The following SYNE1 variants were observed in gnomAD, a reference collection of about 807,000 sequenced individuals.
SYNE1 encodes spectrin repeat containing nuclear envelope protein 1.
A neutral mutation model predicts 1,111.0 loss-of-function variants in SYNE1; 616 were observed. The observed-to-expected ratio is 0.55, with a 90% CI of 0.52 to 0.59. The LOEUF (loss-of-function observed/expected upper bound fraction) is 0.59, where lower values mean the gene tolerates loss of function less well. SYNE1 is among the 20% of genes least tolerant of loss of function. The probability of loss-of-function intolerance (pLI) is 0.00; values close to 1 mark genes in which losing one functional copy is unlikely to be tolerated. For missense variants in SYNE1, 10,006 were observed against 10,417.0 expected (o/e 0.96, Z 1.72); for synonymous variants, 3,855 against 3,825.8 (o/e 1.01, Z -0.28).
intron 6 of SYNE1, among the ~76,000 whole-genome samples, chr6:152,519,826 A>C (rs918314526): frequency 6.6e-6 from 1 of 152,180 alleles, no homozygotes; most frequent in African/African-American, 2.4e-5. Context: ...CACATTACCA[A>C]GTATTCAAAG....
At chr6:152,545,948 T>G (rs548837179) in intron 3 of SYNE1, 1 of 152,224 alleles carries the variant, frequency 6.6e-6, no homozygotes, top group East Asian at 1.9e-4. Flanking sequence ...TACACCTCAA[T>G]AAAATATTGG....
At chr6:152,554,152 C>T (rs909905068) in intron 3 of SYNE1, among the ~76,000 whole-genome samples, 2 of 152,034 alleles carry the variant, frequency 1.3e-5, no homozygotes, top group Non-Finnish European at 2.9e-5. Context: ...CACTGTGCCC[C>T]AGTCATCTGC....
chr6:152,385,913 A>AT, intron 54 of SYNE1, 75 bp from the exon 55 acceptor site: 1 of 1,422,016 alleles, frequency 7.0e-7, no homozygotes, highest in Non-Finnish European at 9.9e-7. Context: ...AACAGGCCTG[A>AT]TAGAGGTCTC....
rs747701710 is a variant in SYNE1, at chr6:152,154,929, A to G, written c.24092T>C (p.Ile8031Thr). The G allele has an allele frequency of 1.2e-6, 2 of 1,614,074 alleles. No individual in the cohort carries two copies. The highest frequency in any genetic ancestry group is 4.5e-5 in the East Asian group (2 of 44,894). The change falls in exon 133 of 146, where the codon ATC becomes ACC. Residue 8031 changes from isoleucine to threonine, a missense_variant. By Grantham distance (89) the Ile-to-Thr change is moderately conservative. Coordinates refer to ENST00000367255, the MANE Select transcript of SYNE1 (RefSeq NM_182961.4). ...TAGTTCTTCCTTGGCAACTGTATAG[A>G]TCACCCCAGAAGAGCTGGGAAAAGC... ...TAAFPSSSGV[I>T]YTVAKEELKK...
At chr6:152,443,982 A>G (rs957841827) in intron 30 of SYNE1, among the ~76,000 whole-genome samples, 12 of 152,216 alleles carry the variant, frequency 7.9e-5, no homozygotes, top group African/African-American at 2.9e-4. Context: ...TCATTTCTCA[A>G]ACTAAAGTGT....
rs1194769025 is a variant in SYNE1, at chr6:152,450,632, T to C, written c.3388A>G (p.Thr1130Ala). Residue 1130 changes from threonine (T) to alanine (A), a missense_variant, in exon 27 of 146, where the codon ACT (threonine) becomes GCT (alanine). Thr to Ala is a moderately conservative substitution (Grantham distance 58). Transcript: ENST00000367255. ...AGGCCATTCTGAGGCTACCTGCTAG[T>C]GTAGTCCTTCCACTTGTCTGGGTCT... Reference protein sequence around the residue: ...MEDPDKWKDYTSRFSEFSSWI... With the variant: ...MEDPDKWKDYASRFSEFSSWI... 4.3e-6 allele frequency: 7 copies of C among 1,613,974 alleles called. No individual in the cohort carries two copies. Among genetic ancestry groups the C allele is most frequent in the Non-Finnish European group, 8.5e-7 (1 of 1,179,972 alleles).
chr6:152,390,897 A>G (rs1486968102), intron 52 of SYNE1, among the ~76,000 whole-genome samples: 1 of 152,088 alleles, frequency 6.6e-6, no homozygotes, highest in Non-Finnish European at 1.5e-5. Context: ...CATGGCCCCT[A>G]CACACGGACT....
At chr6:152,504,742 C>T (rs1488117264) in intron 9 of SYNE1, among the ~76,000 whole-genome samples, 6 of 152,182 alleles carry the variant, frequency 3.9e-5, no homozygotes, top group Admixed American at 3.3e-4. Flanking sequence ...TACCAAAAAA[C>T]GTGCCAAACA....
chr6:152,236,000 C>A, intron 110 of SYNE1, 107 bp downstream of exon 110: 1 of 1,295,190 alleles, frequency 7.7e-7, no homozygotes, highest in Middle Eastern at 2.4e-4. Context: ...GTATTGGCCA[C>A]CCAAGTAATG....
intron 13 of SYNE1, among the ~76,000 whole-genome samples, chr6:152,484,036 T>C (rs76740728): frequency 0.28 from 23,029 of 83,182 alleles, 2,239 homozygotes; most frequent in Middle Eastern, 0.46. Context: ...ATCTCATCTC[T>C]ACAAAAAAAA....
intron 127 of SYNE1, among the ~76,000 whole-genome samples, chr6:152,195,758 G>T (rs1034591221): frequency 3.9e-5 from 6 of 152,156 alleles, no homozygotes; most frequent in Non-Finnish European, 8.8e-5. Context: ...ACTGGGTTAG[G>T]CCTGAAGCCA....
chr6:152,421,807 G>A (rs555794392), intron 39 of SYNE1, among the ~76,000 whole-genome samples: 1 of 151,986 alleles, frequency 6.6e-6, no homozygotes, highest in Non-Finnish European at 1.5e-5. Context: ...CCAGATTCAA[G>A]AGATTCTCCT....
In SYNE1 at chr6:152,289,638, A is replaced by T. The variant is rs368258027; in HGVS notation, c.18012+3950T>A. ...TCCTATTTTATTTATTTATTTATTT[A>T]TTTTTTGAGACGGAGTCTCGCTCTG... On this transcript the variant is annotated intron_variant, in intron 95 of 145. Coordinates refer to ENST00000367255, the MANE Select transcript of SYNE1 (RefSeq NM_182961.4). 1.8e-4 allele frequency among the ~76,000 whole-genome samples: 28 copies of T among 151,522 alleles called. No homozygotes were observed. The East Asian group carries it at 2.3e-3, about 13-fold the overall frequency.
chr6:152,564,251 C>T (rs990076039), intron 3 of SYNE1, among the ~76,000 whole-genome samples: 1 of 152,226 alleles, frequency 6.6e-6, no homozygotes, highest in Middle Eastern at 3.4e-3. Flanking sequence ...CAAACAAAAT[C>T]ACTGGTGAAA....
intron 105 of SYNE1, among the ~76,000 whole-genome samples, 185 bp downstream of exon 105, chr6:152,248,976 G>T (rs1163288374): frequency 6.6e-6 from 1 of 152,132 alleles, no homozygotes; most frequent in Non-Finnish European, 1.5e-5. Flanking sequence ...CTAGTTCTGT[G>T]CAGATGTAAG....
intron 128 of SYNE1, among the ~76,000 whole-genome samples, chr6:152,187,010 A>C (rs2070330165): frequency 6.6e-6 from 1 of 152,230 alleles, no homozygotes; most frequent in South Asian, 2.1e-4. Flanking sequence ...AGTTTGAAGA[A>C]TTCAGAAATG....
intron 14 of SYNE1, among the ~76,000 whole-genome samples, chr6:152,478,118 G>A (rs2098846179): frequency 6.6e-6 from 1 of 152,278 alleles, no homozygotes; most frequent in Non-Finnish European, 1.5e-5. Flanking sequence ...TGTGACAGGT[G>A]ATGTAAGAAG....
chr6:152,369,569 T>C lies in SYNE1; in HGVS notation c.9553A>G (p.Ile3185Val), dbSNP rs968427628. 2 of 1,614,192 alleles carry C rather than the reference T, an allele frequency of 1.2e-6. No homozygotes were observed. Among genetic ancestry groups the C allele is most frequent in the South Asian group, 1.1e-5 (1 of 91,082 alleles). The change falls in exon 60 of 146, where the codon ATC becomes GTC. Residue 3185 changes from isoleucine (I) to valine (V), a missense_variant. Ile to Val is a conservative substitution (Grantham distance 29). This residue lies in a region of SYNE1 where 4,955 missense variants were observed against 5,017.2 expected (regional missense o/e 0.99). Coordinates refer to ENST00000367255, the MANE Select transcript of SYNE1 (RefSeq NM_182961.4). Reference protein sequence around the residue: ...MKDFEVSAEPIQDWLSKTEKM... With the variant: ...MKDFEVSAEPVQDWLSKTEKM... The stretch of plus-strand genomic sequence containing the variant: ...TCAGTTTTACTCAGCCAGTCCTGGA[T>C]AGGCTCAGCACTTACTTCAAAGTCC...
chr6:152,133,761 A>C, intron 142 of SYNE1: 1 of 473,268 alleles, frequency 2.1e-6, no homozygotes, highest in African/African-American at 1.9e-5. Context: ...TAGTTAATGT[A>C]TATATGACAG....
Sources: allele counts gnomAD v4.1 joint callset (sites outside exome capture counted in the v4.1 genomes callset), GRCh38; gene constraint gnomAD v4.1.1; regional missense constraint gnomAD v4.1.1; transcripts MANE v1.5; gene names NCBI Gene and HGNC (gene_info 2026-07-23, HGNC 2026-07-21).